The following MPPED2 variants were observed in gnomAD, a reference collection of about 807,000 sequenced individuals.
MPPED2 encodes the protein metallophosphoesterase domain containing 2.
A neutral mutation model predicts 33.0 loss-of-function variants in MPPED2; 5 were observed. That is an observed-to-expected ratio of 0.15 (90% CI 0.08 to 0.32). MPPED2 has a LOEUF of 0.32. Among genes scored for constraint, MPPED2 ranks in the 10% least tolerant of loss-of-function variants. The probability of loss-of-function intolerance (pLI) is 1.00; values close to 1 mark genes in which losing one functional copy is unlikely to be tolerated. For synonymous variants in MPPED2, 136 were observed against 141.9 expected, an observed-to-expected ratio of 0.96 and a Z score of 0.29; for missense variants, 275 against 372.1, an observed-to-expected ratio of 0.74 and a Z score of 2.15.
intron 2 of MPPED2, among the ~76,000 whole-genome samples, chr11:30,567,511 A>T (rs1956498967): frequency 6.6e-6 from 1 of 152,000 alleles, no homozygotes; most frequent in African/African-American, 2.4e-5. Context: ...TCCAGCTCCC[A>T]ATCTCCTCCC....
At chr11:30,413,798 C>T (rs1948220095) in intron 6 of MPPED2, among the ~76,000 whole-genome samples, 1 of 152,114 alleles carries the variant, frequency 6.6e-6, no homozygotes, top group African/African-American at 2.4e-5. Context: ...GTGTTAATTC[C>T]ATATGAAACA....
At chr11:30,460,180 G>A (rs1163308704) in intron 4 of MPPED2, among the ~76,000 whole-genome samples, 1 of 152,188 alleles carries the variant, frequency 6.6e-6, no homozygotes, top group Non-Finnish European at 1.5e-5. Context: ...TATCCTTTGT[G>A]AATGCTGGCT....
intron 2 of MPPED2, among the ~76,000 whole-genome samples, chr11:30,544,879 A>G (rs981157204): frequency 6.6e-6 from 1 of 152,224 alleles, no homozygotes; most frequent in African/African-American, 2.4e-5. Flanking sequence ...CAGAAAAAAG[A>G]CGCATGAGAG....
intron 2 of MPPED2, among the ~76,000 whole-genome samples, chr11:30,556,739 T>C (rs890767898): frequency 1.3e-5 from 2 of 152,192 alleles, no homozygotes; most frequent in Non-Finnish European, 2.9e-5. Context: ...AATTAACACT[T>C]GGCTTGGTAC....
chr11:30,569,990 A>T (rs1956620688), intron 2 of MPPED2, among the ~76,000 whole-genome samples: 1 of 151,940 alleles, frequency 6.6e-6, no homozygotes, highest in Non-Finnish European at 1.5e-5. Context: ...ATTCCCTCCT[A>T]CTTTTTCCCT....
intron 3 of MPPED2, among the ~76,000 whole-genome samples, chr11:30,518,963 A>G (rs989937492): frequency 6.6e-6 from 1 of 152,174 alleles, no homozygotes; most frequent in Non-Finnish European, 1.5e-5. Flanking sequence ...TGCTTAAAAT[A>G]TTCATTTTGG....
At chr11:30,465,782 A>G (rs561801015) in intron 4 of MPPED2, among the ~76,000 whole-genome samples, 7 of 152,290 alleles carry the variant, frequency 4.6e-5, no homozygotes, top group African/African-American at 1.7e-4. Context: ...ATTTTTTTCA[A>G]CCACACACAG....
At chr11:30,563,557 T>TAAGTGAC (rs1565187704) in intron 2 of MPPED2, among the ~76,000 whole-genome samples, 2 of 152,044 alleles carry the variant, frequency 1.3e-5, no homozygotes, top group African/African-American at 4.8e-5. Context: ...CAGGAGATAG[T>TAAGTGAC]AGGGGCAATT....
intron 2 of MPPED2, among the ~76,000 whole-genome samples, chr11:30,537,607 T>G: frequency 6.6e-6 from 1 of 152,168 alleles, no homozygotes. Flanking sequence ...ATGACTAACC[T>G]TTTTATTTCC....
In MPPED2 at chr11:30,495,379, A is replaced by T. The variant is rs1465702573; in HGVS notation, c.453T>A (p.Asn151Lys). The T allele has an allele frequency of 6.2e-7, 1 of 1,614,020 alleles. No homozygotes were observed. Among genetic ancestry groups the T allele is most frequent in the Non-Finnish European group, 8.5e-7 (1 of 1,180,006 alleles). ...VSKLKPEDFD[N>K]VQSLLTNSIY... ...TACTGTTTGTCAGGAGGGACTGAACATTGTCAAAGTCCTCTGGTTTCAATT... is the reference window on the plus strand; with the variant it reads ...TACTGTTTGTCAGGAGGGACTGAACTTTGTCAAAGTCCTCTGGTTTCAATT... The change falls in exon 4 of 7, where the codon AAT becomes AAA. Residue 151 changes from asparagine (N) to lysine (K), a missense_variant. Transcript: ENST00000358117.
At chr11:30,581,839 T>A (rs151234814) in intron 1 of MPPED2, among the ~76,000 whole-genome samples, 1 of 152,298 alleles carries the variant, frequency 6.6e-6, no homozygotes, top group Non-Finnish European at 1.5e-5. Flanking sequence ...GCCTTCCTAA[T>A]GTCAAGTGCA....
chr11:30,517,348 C>T (rs1232978642), intron 3 of MPPED2, among the ~76,000 whole-genome samples: 1 of 152,162 alleles, frequency 6.6e-6, no homozygotes, highest in Non-Finnish European at 1.5e-5. Context: ...AGGGCATACA[C>T]AAACACTTTT....
At chr11:30,435,118 C>T (rs1949267649) in intron 4 of MPPED2, among the ~76,000 whole-genome samples, 1 of 152,200 alleles carries the variant, frequency 6.6e-6, no homozygotes. Flanking sequence ...TGTTTGTATG[C>T]TTTCTGAGTT....
intron 4 of MPPED2, among the ~76,000 whole-genome samples, chr11:30,422,125 G>A (rs1398978213): frequency 6.6e-6 from 1 of 152,226 alleles, no homozygotes; most frequent in Non-Finnish European, 1.5e-5. Context: ...TTCCTCACCT[G>A]AGCAATGAAT....
chr11:30,465,371 T>A (rs1374567583), intron 4 of MPPED2, among the ~76,000 whole-genome samples: 1 of 152,214 alleles, frequency 6.6e-6, no homozygotes. Flanking sequence ...CACTGCAACA[T>A]CAGCCTCCCT....
At chr11:30,458,398 C>G (rs509774) in intron 4 of MPPED2, among the ~76,000 whole-genome samples, 2 of 152,116 alleles carry the variant, frequency 1.3e-5, no homozygotes, top group African/African-American at 4.8e-5. Context: ...AGTTTCACAT[C>G]AACCCTCATT....
At chr11:30,472,702 A>G (rs1304434232) in intron 4 of MPPED2, among the ~76,000 whole-genome samples, 2 of 152,212 alleles carry the variant, frequency 1.3e-5, no homozygotes, top group African/African-American at 4.8e-5. Context: ...TGAGTTACCT[A>G]GAGTAGTCAT....
At chr11:30,485,773 T>C (rs934823635) in intron 4 of MPPED2, among the ~76,000 whole-genome samples, 4 of 152,162 alleles carry the variant, frequency 2.6e-5, no homozygotes, top group African/African-American at 9.7e-5. Context: ...CCTAGGCACA[T>C]GGTGGCTCTA....
At chr11:30,492,694 AAT>A (rs1952036215) in intron 4 of MPPED2, among the ~76,000 whole-genome samples, 1 of 103,692 alleles carries the variant, frequency 9.6e-6, no homozygotes, top group East Asian at 3.6e-4. Context: ...ACATTAAAAA[AAT>A]AAATTGACGT....
Sources: allele counts gnomAD v4.1 joint callset (sites outside exome capture counted in the v4.1 genomes callset), GRCh38; gene constraint gnomAD v4.1.1; transcripts MANE v1.5; gene names NCBI Gene and HGNC (gene_info 2026-07-23, HGNC 2026-07-21).